AK5: variants seen among roughly 807,000 people sequenced by gnomAD.
The protein encoded by AK5 is adenylate kinase 5, also known as adenylate kinase isoenzyme 5.
AK5 carries 27 observed loss-of-function variants against 69.5 expected under a neutral mutation model. That is an observed-to-expected ratio of 0.39 (90% CI 0.29 to 0.54). AK5 has a LOEUF of 0.54. AK5 is among the 20% of genes least tolerant of loss of function. The pLI is 0.71. For synonymous variants in AK5, 260 were observed against 244.4 expected (o/e 1.06, Z -0.60); for missense variants, 531 against 700.4 (o/e 0.76, Z 2.73).
At position 77,485,455 on chromosome 1, in the gene AK5, G is replaced by A. The variant is rs557617312; in HGVS notation, c.1103-853G>A. Among the ~76,000 whole-genome samples, 3 of 152,256 alleles carry A rather than the reference G, an allele frequency of 2.0e-5. No individual in the cohort carries two copies. The South Asian group carries it at 6.2e-4, about 32-fold the overall frequency. On this transcript the variant is annotated intron_variant, in intron 9 of 13. Transcript: ENST00000354567. ...AAAAAATGTTTCCTGTCAGAATAAT[G>A]ATCTAACTTTCAAAAGTAGTTATCT...
At chr1:77,328,150 A>T (rs920785950) in intron 5 of AK5, among the ~76,000 whole-genome samples, 3 of 152,222 alleles carry the variant, frequency 2.0e-5, no homozygotes, top group African/African-American at 7.2e-5. Context: ...TGGGGAAAAG[A>T]AATAGCTTTG....
chr1:77,346,077 G>A (rs140864356), intron 6 of AK5: 34 of 152,234 alleles, frequency 2.2e-4, no homozygotes, highest in Middle Eastern at 3.4e-3. Flanking sequence ...TTTATTGTTC[G>A]TTAAGTGGAA....
chr1:77,453,188 T>C (rs2100660680), intron 8 of AK5, among the ~76,000 whole-genome samples: 1 of 152,360 alleles, frequency 6.6e-6, no homozygotes, highest in Middle Eastern at 3.4e-3. Context: ...CTATTTCTGC[T>C]GCATGTGTAG....
At chr1:77,523,400 C>T (rs1351300066) in intron 12 of AK5, among the ~76,000 whole-genome samples, 1 of 152,114 alleles carries the variant, frequency 6.6e-6, no homozygotes, top group Non-Finnish European at 1.5e-5. Flanking sequence ...CTCACATGCC[C>T]AAGTTCTAAT....
intron 6 of AK5, among the ~76,000 whole-genome samples, chr1:77,396,489 A>G (rs908935225): frequency 1.3e-5 from 2 of 152,242 alleles, no homozygotes; most frequent in Non-Finnish European, 2.9e-5. Flanking sequence ...TCTTGCTAAT[A>G]AGTTAATTAT....
chr1:77,376,538 T>C (rs1228530715), intron 6 of AK5, among the ~76,000 whole-genome samples: 1 of 151,894 alleles, frequency 6.6e-6, no homozygotes, highest in Non-Finnish European at 1.5e-5. Context: ...TTCTCTTTGA[T>C]TTTTTTTCTC....
intron 6 of AK5, among the ~76,000 whole-genome samples, chr1:77,351,927 C>CTTTTTTTTTTTTTTTTTTTTTTTTTT (rs10658959): frequency 7.2e-6 from 1 of 138,170 alleles, no homozygotes. Flanking sequence ...GCAAGTAATT[C>CTTTTTTTTTTTTTTTTTTTTTTTTTT]TTTTTTTTTT....
intron 6 of AK5, among the ~76,000 whole-genome samples, chr1:77,372,565 C>T (rs543415334): frequency 1.3e-5 from 2 of 152,226 alleles, no homozygotes; most frequent in East Asian, 3.9e-4. Context: ...GTCAAAATAT[C>T]AATGTTTCCT....
At chr1:77,359,910 G>GA (rs1388562126) in intron 6 of AK5, among the ~76,000 whole-genome samples, 2 of 152,140 alleles carry the variant, frequency 1.3e-5, no homozygotes, top group Non-Finnish European at 2.9e-5. Flanking sequence ...TCAGAGCCGG[G>GA]AATTGAATTA....
chr1:77,403,524 G>A (rs1385814109), intron 6 of AK5, among the ~76,000 whole-genome samples: 1 of 152,210 alleles, frequency 6.6e-6, no homozygotes, highest in Non-Finnish European at 1.5e-5. Context: ...TGGCTAGCCA[G>A]TCTTCCCAGC....
intron 10 of AK5, among the ~76,000 whole-genome samples, chr1:77,518,270 A>G (rs1657778874): frequency 6.6e-6 from 1 of 152,152 alleles, no homozygotes; most frequent in South Asian, 2.1e-4. Flanking sequence ...ACTCATCTTC[A>G]CTAACTGCCT....
At chr1:77,410,371 G>T (rs900754228) in intron 6 of AK5, among the ~76,000 whole-genome samples, 1 of 151,862 alleles carries the variant, frequency 6.6e-6, no homozygotes, top group Non-Finnish European at 1.5e-5. Flanking sequence ...TCTGCCTCCC[G>T]GGTTCAAGTG....
intron 8 of AK5, among the ~76,000 whole-genome samples, chr1:77,456,968 C>T (rs1178432177): frequency 6.6e-6 from 1 of 151,302 alleles, no homozygotes; most frequent in Admixed American, 6.6e-5. Flanking sequence ...TAAAAGTCTT[C>T]CATTGCAAAT....
At chr1:77,325,511 A>G (rs1437076661) in intron 5 of AK5, among the ~76,000 whole-genome samples, 1 of 152,128 alleles carries the variant, frequency 6.6e-6, no homozygotes, top group African/African-American at 2.4e-5. Flanking sequence ...AGTCCTAAAA[A>G]GTTGCTGGGG....
chr1:77,397,862 A>G (rs1288355452), intron 6 of AK5, among the ~76,000 whole-genome samples: 1 of 152,196 alleles, frequency 6.6e-6, no homozygotes. Flanking sequence ...TAATCATCCC[A>G]CTGCACTCTA....
At chr1:77,373,280 AC>A (rs1647155293) in intron 6 of AK5, among the ~76,000 whole-genome samples, 1 of 152,140 alleles carries the variant, frequency 6.6e-6, no homozygotes. Flanking sequence ...ATTTAGTGTA[AC>A]CTTTTATTCA....
intron 13 of AK5, among the ~76,000 whole-genome samples, chr1:77,548,002 C>G (rs1426312996): frequency 6.6e-6 from 1 of 152,072 alleles, no homozygotes; most frequent in Non-Finnish European, 1.5e-5. Flanking sequence ...AATGATTGAG[C>G]AGGTGTTTTA....
rs1164786861 is a variant in AK5, at chr1:77,491,216, A to C, written c.1147+4864A>C. The stretch of plus-strand genomic sequence containing the variant: ...CTGGAGTAATAAGAATTTTTGCTTA[A>C]AACTCAATATTGCAATGCCTGGCAC... On this transcript the variant is annotated intron_variant, in intron 10 of 13. Coordinates refer to ENST00000354567, the MANE Select transcript of AK5 (RefSeq NM_174858.3). 2.0e-5 allele frequency among the ~76,000 whole-genome samples: 3 copies of C among 152,170 alleles called. No individual in the cohort carries two copies. In the East Asian group the frequency reaches 5.8e-4, roughly 29 times the overall value.
chr1:77,442,722 G>A (rs917980530), intron 8 of AK5, among the ~76,000 whole-genome samples: 3 of 152,202 alleles, frequency 2.0e-5, no homozygotes, highest in Non-Finnish European at 2.9e-5. Context: ...GGGGACAAGC[G>A]CTAAGGACTT....
Sources: allele counts gnomAD v4.1 joint callset (sites outside exome capture counted in the v4.1 genomes callset), GRCh38; gene constraint gnomAD v4.1.1; transcripts MANE v1.5; gene names NCBI Gene and HGNC (gene_info 2026-07-23, HGNC 2026-07-21).